ARHGAP8: variants seen among roughly 807,000 people sequenced by gnomAD.
ARHGAP8 encodes rho GTPase-activating protein 8.
Under a neutral mutation model 46.1 loss-of-function variants are expected in ARHGAP8, and 62 were observed. The observed-to-expected ratio is 1.34, with a 90% confidence interval of 1.10 to 1.66. ARHGAP8 has a LOEUF of 1.66. Ranked by LOEUF, ARHGAP8 falls within the 40% of genes most tolerant of loss-of-function variation. The pLI, the probability that ARHGAP8 is intolerant of heterozygous loss-of-function variation, is 0.00. For synonymous variants in ARHGAP8, 375 were observed against 243.1 expected, an observed-to-expected ratio of 1.54 and a Z score of -5.05; for missense variants, 923 against 568.4, an observed-to-expected ratio of 1.62 and a Z score of -6.34.
In ARHGAP8 at chr22:44,808,450, C is replaced by A. The variant is rs759829638; in HGVS notation, c.299+12C>A. 1.9e-6 allele frequency: 3 copies of A among 1,613,344 alleles called. No homozygotes were observed. The highest frequency in any genetic ancestry group is 2.5e-6 in the Non-Finnish European group (3 of 1,179,762). ...GAGTTCGATAGGAAGTACGTGCCCG[C>A]AAGCCTTCAGGGACGTGGGTGTGGG... On this transcript the variant is annotated intron_variant, in intron 4 of 11. Transcript: ENST00000356099.
At chr22:44,759,220 T>A (rs1316431858) in intron 1 of ARHGAP8, among the ~76,000 whole-genome samples, 1 of 152,134 alleles carries the variant, frequency 6.6e-6, no homozygotes, top group African/African-American at 2.4e-5. Context: ...CCGGGTTGGC[T>A]GAGTGCAGAG....
intron 7 of ARHGAP8, among the ~76,000 whole-genome samples, chr22:44,830,819 G>A (rs940734224): frequency 3.3e-5 from 5 of 152,176 alleles, no homozygotes; most frequent in African/African-American, 1.2e-4. Flanking sequence ...GATTACAGGC[G>A]TGAGCCACCG....
At chr22:44,858,703 C>G (rs959657440) in intron 10 of ARHGAP8, among the ~76,000 whole-genome samples, 1 of 147,946 alleles carries the variant, frequency 6.8e-6, no homozygotes, top group Non-Finnish European at 1.5e-5. Flanking sequence ...GGCTATGGAG[C>G]TCCAGTGGTA....
intron 10 of ARHGAP8, chr22:44,850,831 G>A (rs151013726): frequency 0.02 from 3,091 of 152,228 alleles, 47 homozygotes; most frequent in Middle Eastern, 0.034. Flanking sequence ...AAGCGTGGTG[G>A]TGCACGCCTG....
At chr22:44,840,700 G>A (rs1931593014) in intron 7 of ARHGAP8, among the ~76,000 whole-genome samples, 1 of 152,154 alleles carries the variant, frequency 6.6e-6, no homozygotes. Context: ...AATGATTTTT[G>A]TCAGTGCCGT....
Position 44,821,598 on chromosome 22 carries a change from A to G in ARHGAP8, c.387-773A>G, listed in dbSNP as rs537484333. On this transcript the variant is annotated intron_variant, in intron 5 of 11. Coordinates refer to ENST00000356099, the MANE Select transcript of ARHGAP8 (RefSeq NM_181335.3). ...GCGTGCTCGCATCCATCTGTCAATG[A>G]TCCCCACTTTGCAATTCATGCTGAG... Among the ~76,000 whole-genome samples, 6 of 152,360 alleles carry G rather than the reference A, an allele frequency of 3.9e-5. No individual in the cohort carries two copies. The South Asian group carries it at 8.3e-4, about 21-fold the overall frequency.
At chr22:44,858,217 T>C (rs940076487) in intron 10 of ARHGAP8, among the ~76,000 whole-genome samples, 1 of 152,190 alleles carries the variant, frequency 6.6e-6, no homozygotes, top group Non-Finnish European at 1.5e-5. Context: ...CCAGCAACTC[T>C]GTGCAAGGCT....
chr22:44,856,505 C>G (rs970046242), intron 10 of ARHGAP8, among the ~76,000 whole-genome samples: 1 of 152,046 alleles, frequency 6.6e-6, no homozygotes, highest in African/African-American at 2.4e-5. Context: ...AACTCCTGAT[C>G]TCAGGTGATC....
chr22:44,793,597 T>G (rs1927863578), intron 2 of ARHGAP8, among the ~76,000 whole-genome samples: 1 of 152,180 alleles, frequency 6.6e-6, no homozygotes, highest in Non-Finnish European at 1.5e-5. Flanking sequence ...TGATGCGTTT[T>G]AATCGCCGTC....
intron 1 of ARHGAP8, among the ~76,000 whole-genome samples, chr22:44,763,752 C>A (rs1569132844): frequency 1.3e-5 from 2 of 150,388 alleles, no homozygotes. Flanking sequence ...TTCCACCAGA[C>A]AAGGCGGAAT....
intron 5 of ARHGAP8, among the ~76,000 whole-genome samples, chr22:44,820,431 G>A (rs1265151371): frequency 6.6e-6 from 1 of 152,168 alleles, no homozygotes; most frequent in Non-Finnish European, 1.5e-5. Context: ...GGTTCCTCCC[G>A]CCCATCACAC....
intron 10 of ARHGAP8, among the ~76,000 whole-genome samples, chr22:44,859,247 G>A (rs543358573): frequency 3.3e-5 from 5 of 152,208 alleles, no homozygotes; most frequent in Non-Finnish European, 4.4e-5. Flanking sequence ...TGGAGGTGGG[G>A]ACTGGTGGCA....
In ARHGAP8 at chr22:44,859,915, C is replaced by T. The variant is rs2070385087; in HGVS notation, c.981+81C>T. 21 of 1,503,516 alleles carry T rather than the reference C, an allele frequency of 1.4e-5. No individual in the cohort carries two copies. In the South Asian group the frequency reaches 2.0e-4, roughly 14 times the overall value. 93.1% of individuals were successfully genotyped at this position (1,503,516 alleles called of 1,614,324 possible). ...TGGGCCCGCATGGACCAGTCCCCTCCTTGCCCTGGGTCTGGGGTCATGCCC... is the reference window on the plus strand; with the variant it reads ...TGGGCCCGCATGGACCAGTCCCCTCTTTGCCCTGGGTCTGGGGTCATGCCC... On this transcript the variant is annotated intron_variant, in intron 11 of 11. Transcript: ENST00000356099.
At chr22:44,862,030 C>T (rs1258621879) in intron 11 of ARHGAP8, among the ~76,000 whole-genome samples, 1 of 152,160 alleles carries the variant, frequency 6.6e-6, no homozygotes, top group Non-Finnish European at 1.5e-5. Flanking sequence ...GGGGTTGAGG[C>T]TGTCACAGAA....
At chr22:44,849,996 G>C (rs2269545) in intron 10 of ARHGAP8, 51,341 of 151,930 alleles carry the variant, frequency 0.34, 9,871 homozygotes, top group African/African-American at 0.53. Flanking sequence ...CTCAAGATAG[G>C]GGTGTAGGGG....
In ARHGAP8 at chr22:44,752,641, C is replaced by A. The variant is rs1924321143; in HGVS notation, c.-72+14C>A. ...GTCCGTGGCCAGGTAAGGCGGGCGG[C>A]GGCGGGAGGGAGCGCGCAGGGAGGA... On this transcript the variant is annotated intron_variant, in intron 1 of 11. Transcript: ENST00000356099. 2 of 78,230 alleles carry A rather than the reference C, an allele frequency of 2.6e-5. No individual in the cohort carries two copies. Among genetic ancestry groups the A allele is most frequent in the Non-Finnish European group, 5.1e-5 (2 of 38,944 alleles). The allele number at this position is 78,230 out of a possible 1,614,324, so 4.8% of individuals were successfully genotyped here.
At chr22:44,782,144 G>C (rs1490337502) in intron 1 of ARHGAP8, among the ~76,000 whole-genome samples, 1 of 151,636 alleles carries the variant, frequency 6.6e-6, no homozygotes, top group Non-Finnish European at 1.5e-5. Context: ...AGACCAGCCT[G>C]GCCAATGTGG....
intron 3 of ARHGAP8, among the ~76,000 whole-genome samples, chr22:44,803,911 G>C (rs1186718630): frequency 6.6e-6 from 1 of 151,520 alleles, no homozygotes; most frequent in Admixed American, 6.6e-5. Flanking sequence ...CAGAGTGAAA[G>C]ACTAACCTAA....
At chr22:44,826,228 C>A (rs1602231343) in intron 7 of ARHGAP8, among the ~76,000 whole-genome samples, 1 of 152,178 alleles carries the variant, frequency 6.6e-6, no homozygotes, top group East Asian at 1.9e-4. Flanking sequence ...ATCCCTGATC[C>A]CCGCATCACC....
Sources: gnomAD v4.1 joint callset for allele counts (sites outside exome capture counted in the v4.1 genomes callset) on GRCh38, gnomAD v4.1.1 for gene constraint, MANE v1.5 for transcripts, NCBI Gene and HGNC (gene_info 2026-07-23, HGNC 2026-07-21) for gene names.